CHL1: variants seen among roughly 807,000 people sequenced by gnomAD.
The protein encoded by CHL1 is neural cell adhesion molecule L1-like protein.
Under a neutral mutation model 141.9 loss-of-function variants are expected in CHL1, and 96 were observed. The ratio of observed to expected loss-of-function variants is 0.68; its 90% CI spans 0.57 to 0.80. CHL1 has a LOEUF of 0.80. Among genes scored for constraint, CHL1 ranks in the 30% least tolerant of loss-of-function variants. The pLI is 0.00. For missense variants in CHL1, 1,820 were observed against 1,457.2 expected (o/e 1.25, Z -4.05); for synonymous variants, 613 against 502.2 (o/e 1.22, Z -2.95).
In CHL1 at chr3:405,660, A is replaced by T. The variant is rs1264139264; in HGVS notation, c.3624A>T (p.Gly1208=). 2.5e-6 allele frequency: 4 copies of T among 1,613,350 alleles called. No individual in the cohort carries two copies. Among genetic ancestry groups the T allele is most frequent in the East Asian group, 4.5e-5 (2 of 44,876 alleles). Residue 1208 remains glycine (G), a synonymous_variant, in exon 28 of 28, where the codon GGA becomes GGT. Coordinates refer to ENST00000256509, the MANE Select transcript of CHL1 (RefSeq NM_006614.4). ...CCTACGCTGGATCTAAGGAGAAGGGATCTGTTGAAAGCAATGGAAGTTCTA... is the reference window on the plus strand; with the variant it reads ...CCTACGCTGGATCTAAGGAGAAGGGTTCTGTTGAAAGCAATGGAAGTTCTA... The part of the protein sequence containing the change: ...IGAYAGSKEK[G]SVESNGSSTA...
chr3:394,841 C>A lies in CHL1; in HGVS notation c.3063C>A (p.Ile1021=). The change falls in exon 24 of 28, where the codon ATC becomes ATA. Residue 1021 remains isoleucine, a synonymous_variant. Coordinates refer to ENST00000256509, the MANE Select transcript of CHL1 (RefSeq NM_006614.4). ...CTTCACAGGGCTGTGGAAAACCGATCACGGAGGAAAGCTCCACCTTAGGAG... is the reference window on the plus strand; with the variant it reads ...CTTCACAGGGCTGTGGAAAACCGATAACGGAGGAAAGCTCCACCTTAGGAG... ...ACTSQGCGKP[I]TEESSTLGEG... 6.2e-7 allele frequency: 1 copy of A among 1,613,160 alleles called. No homozygotes were observed. The highest frequency in any genetic ancestry group is 8.5e-7 in the Non-Finnish European group (1 of 1,179,636).
At chr3:224,367 C>T (rs776260246) in intron 1 of CHL1, among the ~76,000 whole-genome samples, 14 of 152,190 alleles carry the variant, frequency 9.2e-5, no homozygotes, top group South Asian at 8.3e-4. Context: ...TATATATCTC[C>T]GCCAAATCTA....
At chr3:397,434 C>G (rs1422408673) in intron 24 of CHL1, among the ~76,000 whole-genome samples, 4 of 151,930 alleles carry the variant, frequency 2.6e-5, no homozygotes, top group African/African-American at 9.7e-5. Flanking sequence ...CCCTTGTAGT[C>G]TCAGTAAGAA....
chr3:307,507 C>G (rs1318003512), intron 2 of CHL1, among the ~76,000 whole-genome samples: 1 of 152,190 alleles, frequency 6.6e-6, no homozygotes, highest in Non-Finnish European at 1.5e-5. Flanking sequence ...GGAAAAAACA[C>G]TCATTGCAAA....
intron 4 of CHL1, among the ~76,000 whole-genome samples, chr3:326,384 C>T (rs140249726): frequency 6.6e-6 from 1 of 151,940 alleles, no homozygotes. Flanking sequence ...ATCCTTTATT[C>T]TACTTAGTAA....
intron 2 of CHL1, among the ~76,000 whole-genome samples, chr3:286,954 G>C (rs1216701458): frequency 6.6e-6 from 1 of 152,076 alleles, no homozygotes; most frequent in Non-Finnish European, 1.5e-5. Flanking sequence ...TTTTGGTTTT[G>C]GTGGGATTTG....
chr3:367,726 T>C (rs1284286545), intron 15 of CHL1, among the ~76,000 whole-genome samples: 1 of 152,206 alleles, frequency 6.6e-6, no homozygotes. Flanking sequence ...ATTTGTTACA[T>C]AGGTATACAT....
intron 2 of CHL1, among the ~76,000 whole-genome samples, chr3:287,284 T>G (rs1364837166): frequency 1.3e-5 from 2 of 152,194 alleles, no homozygotes; most frequent in African/African-American, 4.8e-5. Flanking sequence ...AAGAAATCTG[T>G]CTTGTTCACC....
At chr3:397,825 AG>A (rs1470583530) in intron 24 of CHL1, among the ~76,000 whole-genome samples, 2 of 152,096 alleles carry the variant, frequency 1.3e-5, no homozygotes, top group Non-Finnish European at 2.9e-5. Flanking sequence ...AGCAAAAAAA[AG>A]CAATATATAG....
At chr3:364,006 C>G (rs1156855678) in intron 14 of CHL1, 1 of 152,094 alleles carries the variant, frequency 6.6e-6, no homozygotes, top group Non-Finnish European at 1.5e-5. Flanking sequence ...CATATCCCAG[C>G]CTGCTTCTCA....
rs141838394 is a variant in CHL1 at position 288,033 on chromosome 3, G to A, written c.-94-31650G>A. Among the ~76,000 whole-genome samples the A allele has an allele frequency of 2.9e-3, 438 of 152,294 alleles. 1 individual carries two copies. Among genetic ancestry groups the A allele is most frequent in the Admixed American group, 5.2e-3 (80 of 15,300 alleles). On this transcript the variant is annotated intron_variant, in intron 2 of 27. Transcript: ENST00000256509. The stretch of plus-strand genomic sequence containing the variant: ...TCTGCCCACCTTAGCCTCCCAAAGT[G>A]CTGGGATTACAGGCATGAGCCACTA...
In CHL1 at chr3:304,328, C is replaced by T. The variant is rs546916682; in HGVS notation, c.-94-15355C>T. ...TTCAGAAGGAATGGTACCAGCTCTTCTTTGTACCTCTGGTAGAATACGGCT... is the reference window on the plus strand; with the variant it reads ...TTCAGAAGGAATGGTACCAGCTCTTTTTTGTACCTCTGGTAGAATACGGCT... On this transcript the variant is annotated intron_variant, in intron 2 of 27. Coordinates refer to ENST00000256509, the MANE Select transcript of CHL1 (RefSeq NM_006614.4). 1.3e-3 allele frequency among the ~76,000 whole-genome samples: 193 copies of T among 152,284 alleles called. 1 individual carries two copies. Among genetic ancestry groups the T allele is most frequent in the African/African-American group, 4.5e-3 (187 of 41,568 alleles).
chr3:236,546 A>G lies in CHL1; in HGVS notation c.-174-8067A>G, dbSNP rs570333539. The stretch of plus-strand genomic sequence containing the variant: ...AAAAATGTGTCTCTCCGTTTTTGGA[A>G]GCTATTTATTTCTTTAACATATATG... On this transcript the variant is annotated intron_variant, in intron 1 of 27. Coordinates refer to ENST00000256509, the MANE Select transcript of CHL1 (RefSeq NM_006614.4). Among the ~76,000 whole-genome samples, 5 of 152,290 alleles carry G rather than the reference A, an allele frequency of 3.3e-5. No homozygotes were observed. The East Asian group carries it at 9.6e-4, about 29-fold the overall frequency.
intron 1 of CHL1, among the ~76,000 whole-genome samples, chr3:232,748 C>T (rs1404751015): frequency 6.6e-6 from 1 of 151,826 alleles, no homozygotes; most frequent in African/African-American, 2.4e-5. Flanking sequence ...AGGTTGTTAG[C>T]TCCAGTTAAA....
Position 269,529 on chromosome 3 carries a change from C to CTA in CHL1, c.-95+24849_-95+24850dup, listed in dbSNP as rs1349585605. On this transcript the variant is annotated intron_variant, in intron 2 of 27. Coordinates refer to ENST00000256509, the MANE Select transcript of CHL1 (RefSeq NM_006614.4). ...TGTAGATAAAAAAGACTCTCTCTCTCTATATATATATATGAGATGGAGTTC... is the reference window on the plus strand; with the variant it reads ...TGTAGATAAAAAAGACTCTCTCTCTCTATATATATATATATGAGATGGAGTTC... Among the ~76,000 whole-genome samples, 123 of 151,390 alleles carry CTA rather than the reference C, an allele frequency of 8.1e-4. 1 individual carries two copies. The highest frequency in any genetic ancestry group is 1.4e-3 in the Non-Finnish European group (96 of 67,770).
chr3:285,157 T>G (rs1397735139), intron 2 of CHL1, among the ~76,000 whole-genome samples: 2 of 152,236 alleles, frequency 1.3e-5, no homozygotes, highest in South Asian at 2.1e-4. Context: ...CCTTTCACCT[T>G]TTATGCTAGA....
chr3:363,117 A>G (rs1335348744), intron 13 of CHL1, 100 bp from the exon 14 acceptor site: 4 of 961,876 alleles, frequency 4.2e-6, no homozygotes, highest in South Asian at 3.6e-5. Flanking sequence ...TTTCTGAGCT[A>G]TTGAAAGGGG....
intron 2 of CHL1, among the ~76,000 whole-genome samples, chr3:316,819 C>A (rs1292335494): frequency 6.6e-6 from 1 of 151,608 alleles, no homozygotes; most frequent in East Asian, 1.9e-4. Flanking sequence ...TGTCTTAGTG[C>A]CAGCTCCATC....
At chr3:232,066 C>A (rs1393308490) in intron 1 of CHL1, among the ~76,000 whole-genome samples, 2 of 152,164 alleles carry the variant, frequency 1.3e-5, no homozygotes, top group African/African-American at 4.8e-5. Flanking sequence ...GAAGACAAGT[C>A]ATGGCAACAA....
Sources: allele counts gnomAD v4.1 joint callset (sites outside exome capture counted in the v4.1 genomes callset), GRCh38; gene constraint gnomAD v4.1.1; transcripts MANE v1.5; gene names NCBI Gene and HGNC (gene_info 2026-07-23, HGNC 2026-07-21).